DBF4: variants seen among roughly 807,000 people sequenced by gnomAD.
DBF4 encodes the protein DBF4-CDC7 kinase regulatory subunit.
A neutral mutation model predicts 76.6 loss-of-function variants in DBF4; 25 were observed. The observed-to-expected ratio is 0.33, with a 90% CI of 0.24 to 0.46. The LOEUF is 0.46. DBF4 is among the 20% of genes least tolerant of loss of function. DBF4 has a pLI of 1.00. For synonymous variants in DBF4, 213 were observed against 258.0 expected (o/e 0.83, Z 1.67); for missense variants, 638 against 760.8 (o/e 0.84, Z 1.90).
At chr7:87,878,283 T>C in intron 2 of DBF4, 58 bp downstream of exon 2, 1 of 1,313,956 alleles carries the variant, frequency 7.6e-7, no homozygotes, top group East Asian at 2.5e-5. Context: ...TACTTTCTAC[T>C]GTGTAATCAT....
chr7:87,909,202 A>G lies in DBF4; in HGVS notation c.*1039A>G, dbSNP rs1839983767. The G allele has an allele frequency of 6.6e-6, 1 of 152,212 alleles. No individual in the cohort carries two copies. The highest frequency in any genetic ancestry group is 6.5e-5 in the Admixed American group (1 of 15,282). 9.4% of individuals were successfully genotyped at this position (152,212 alleles called of 1,614,324 possible). Reference sequence around the variant, plus strand: ...GCCTTGATCTGGCACTTACTGATACAAGCATTTGGAGAAGAGAAAATTCAA... The same window carrying G: ...GCCTTGATCTGGCACTTACTGATACGAGCATTTGGAGAAGAGAAAATTCAA... On this transcript the variant is annotated 3_prime_UTR_variant, in exon 12 of 12. Transcript: ENST00000265728.
intron 10 of DBF4, among the ~76,000 whole-genome samples, chr7:87,904,060 G>A (rs577301789): frequency 1.5e-4 from 23 of 152,258 alleles, no homozygotes; most frequent in African/African-American, 5.5e-4. Flanking sequence ...ATTAGTACTT[G>A]TCTTTTCTCA....
chr7:87,878,432 T>A, intron 2 of DBF4: 1 of 471,180 alleles, frequency 2.1e-6, no homozygotes, highest in Non-Finnish European at 3.7e-6. Flanking sequence ...ATTAGCAGTC[T>A]AGTGTAAAGT....
chr7:87,906,400 G>A (rs1839917106), intron 11 of DBF4, among the ~76,000 whole-genome samples: 1 of 148,608 alleles, frequency 6.7e-6, no homozygotes, highest in Non-Finnish European at 1.5e-5. Flanking sequence ...GTATGAACAA[G>A]ATAAAAAAGA....
intron 8 of DBF4, among the ~76,000 whole-genome samples, chr7:87,899,337 T>G (rs1283300704): frequency 6.6e-6 from 1 of 152,236 alleles, no homozygotes; most frequent in Non-Finnish European, 1.5e-5. Flanking sequence ...ATTTCTTTTT[T>G]TCAGCTTTCT....
Position 87,908,087 on chromosome 7 carries a change from G to A in DBF4, c.1949G>A (p.Trp650Ter). The change falls in exon 12 of 12, where the codon TGG becomes TAG. Residue 650 changes from tryptophan (W) to a stop codon, truncating the protein, a stop_gained. Coordinates refer to ENST00000265728, the MANE Select transcript of DBF4 (RefSeq NM_006716.4). LOFTEE classifies it high-confidence loss of function. Reference sequence around the variant, plus strand: ...GGTATATGCAATGTTTTAGATATTTGGGAAGAGGAAAATTCAGATAATCTG... The same window carrying A: ...GGTATATGCAATGTTTTAGATATTTAGGAAGAGGAAAATTCAGATAATCTG... Reference protein sequence around the residue: ...KSGICNVLDIWEEENSDNLLT... With the variant: ...KSGICNVLDI The A allele has an allele frequency of 6.2e-7, 1 of 1,610,618 alleles. No homozygotes were observed. The highest frequency in any genetic ancestry group is 1.1e-5 in the South Asian group (1 of 89,812).
intron 8 of DBF4, among the ~76,000 whole-genome samples, chr7:87,898,534 G>A (rs936780444): frequency 4.6e-5 from 7 of 152,160 alleles, no homozygotes; most frequent in Non-Finnish European, 8.8e-5. Flanking sequence ...GCTCACTCCT[G>A]TAATCCTAGC....
Position 87,876,786 on chromosome 7 carries a change from G to A in DBF4, c.46+8G>A. 2 of 1,614,088 alleles carry A rather than the reference G, an allele frequency of 1.2e-6. No individual in the cohort carries two copies. Among genetic ancestry groups the A allele is most frequent in the Non-Finnish European group, 1.7e-6 (2 of 1,179,946 alleles). ...GTAAAGGACATTTCCAGGGTAAGAAGCCCCTCCTCCGCCTGCAGTCCCTTT... is the reference window on the plus strand; with the variant it reads ...GTAAAGGACATTTCCAGGGTAAGAAACCCCTCCTCCGCCTGCAGTCCCTTT... On this transcript the variant is annotated splice_region_variant and intron_variant, in intron 1 of 11. Coordinates refer to ENST00000265728, the MANE Select transcript of DBF4 (RefSeq NM_006716.4).
intron 6 of DBF4, among the ~76,000 whole-genome samples, chr7:87,890,851 C>T (rs1047456052): frequency 6.6e-6 from 1 of 152,070 alleles, no homozygotes; most frequent in African/African-American, 2.4e-5. Context: ...CTTAATCTTT[C>T]TTCTAAAATA....
At chr7:87,877,343 C>T (rs1839091540) in intron 1 of DBF4, among the ~76,000 whole-genome samples, 1 of 152,220 alleles carries the variant, frequency 6.6e-6, no homozygotes, top group Admixed American at 6.5e-5. Flanking sequence ...TTTTCAGTCA[C>T]TTTATTTGGT....
At position 87,907,292 on chromosome 7, in the gene DBF4, GC is replaced by G; in HGVS notation, c.1156del (p.Gln386ArgfsTer7). On this transcript the variant is annotated frameshift_variant, in exon 12 of 12. Coordinates refer to ENST00000265728, the MANE Select transcript of DBF4 (RefSeq NM_006716.4). LOFTEE classifies it high-confidence loss of function. ...TTGCAACATATTTCTCAGAAAGATT[GC>G]CAGGAAGATGATACAACAGTGAAGG... ...VELQHISQKD[C>X]QEDDTTVKEQ... 1.2e-6 allele frequency: 2 copies of G among 1,613,918 alleles called. No homozygotes were observed. Among genetic ancestry groups the G allele is most frequent in the South Asian group, 1.1e-5 (1 of 91,024 alleles).
intron 2 of DBF4, among the ~76,000 whole-genome samples, chr7:87,880,311 A>T: frequency 6.6e-6 from 1 of 152,130 alleles, no homozygotes; most frequent in Admixed American, 6.5e-5. Context: ...GGTTTTACAT[A>T]CTTAGTCTTT....
intron 2 of DBF4, among the ~76,000 whole-genome samples, chr7:87,882,835 C>G (rs1273413502): frequency 6.6e-6 from 1 of 152,112 alleles, no homozygotes; most frequent in Non-Finnish European, 1.5e-5. Flanking sequence ...AGAAGTAGAA[C>G]CCTTGTGCAC....
At position 87,876,729 on chromosome 7, in the gene DBF4, T is replaced by C; in HGVS notation, c.-4T>C. Reference sequence around the variant, plus strand: ...ACCCAGCATGTAGGTGCCGGGCGACTGCCATGAACTCCGGAGCCATGAGGA... The same window carrying C: ...ACCCAGCATGTAGGTGCCGGGCGACCGCCATGAACTCCGGAGCCATGAGGA... On this transcript the variant is annotated 5_prime_UTR_variant, in exon 1 of 12. Transcript: ENST00000265728. 6.2e-7 allele frequency: 1 copy of C among 1,614,142 alleles called. No individual in the cohort carries two copies. Among genetic ancestry groups the C allele is most frequent in the Non-Finnish European group, 8.5e-7 (1 of 1,180,036 alleles).
At position 87,907,633 on chromosome 7, in the gene DBF4, A is replaced by G. The variant is rs1455440083; in HGVS notation, c.1495A>G (p.Asn499Asp). 1.9e-6 allele frequency: 3 copies of G among 1,614,104 alleles called. No homozygotes were observed. Among genetic ancestry groups the G allele is most frequent in the Middle Eastern group, 1.7e-4 (1 of 6,060 alleles). The change falls in exon 12 of 12, where the codon AAT becomes GAT. Residue 499 changes from asparagine to aspartate, a missense_variant. Transcript: ENST00000265728. ...ACATGTTTCTGATTTCAGTACAGAT[A>G]ATAGTGGATCTCAACCAAAACAGAA... is the stretch of plus-strand genomic sequence containing the variant. ...SVHVSDFSTD[N>D]SGSQPKQKSD...
rs748197798 is a variant in DBF4, at chr7:87,900,881, A to G, written c.924+3A>G. On this transcript the variant is annotated splice_donor_region_variant and intron_variant, in intron 10 of 11. Coordinates refer to ENST00000265728, the MANE Select transcript of DBF4 (RefSeq NM_006716.4). ...AGAAATATGAAGATCTAGAAACTGT[A>G]AATGTGATTTTATATTTTGGGGGCT... The G allele has an allele frequency of 2.5e-6, 4 of 1,607,348 alleles. No individual in the cohort carries two copies. In the Admixed American group the frequency reaches 6.8e-5, roughly 27 times the overall value.
chr7:87,889,555 C>T (rs1415526473), intron 6 of DBF4, among the ~76,000 whole-genome samples: 1 of 152,118 alleles, frequency 6.6e-6, no homozygotes, highest in Non-Finnish European at 1.5e-5. Flanking sequence ...GCTGAGATTA[C>T]AGCCATAAGC....
At chr7:87,902,417 A>G (rs1195773060) in intron 10 of DBF4, among the ~76,000 whole-genome samples, 5 of 152,194 alleles carry the variant, frequency 3.3e-5, no homozygotes, top group Non-Finnish European at 7.4e-5. Context: ...AAAGCAACAG[A>G]TAAGGCGGAC....
At position 87,907,354 on chromosome 7, in the gene DBF4, G is replaced by GA. The variant is rs749089320; in HGVS notation, c.1223dup (p.Leu409AlafsTer14). 1.2e-6 allele frequency: 2 copies of GA among 1,613,642 alleles called. No individual in the cohort carries two copies. ...CCTGTATAAAGAGACCCAGGAAACT[G>GA]AAAAAAAGCTCCTGTTTATTTCAGA... On this transcript the variant is annotated frameshift_variant, in exon 12 of 12. Coordinates refer to ENST00000265728, the MANE Select transcript of DBF4 (RefSeq NM_006716.4). LOFTEE classifies it high-confidence loss of function.
Sources: gnomAD v4.1 joint callset for allele counts (sites outside exome capture counted in the v4.1 genomes callset) on GRCh38, gnomAD v4.1.1 for gene constraint, MANE v1.5 for transcripts, NCBI Gene and HGNC (gene_info 2026-07-23, HGNC 2026-07-21) for gene names.